DNAH17: variants seen among roughly 807,000 people sequenced by gnomAD.
DNAH17 encodes axonemal beta dynein heavy chain 17.
DNAH17 carries 376 observed loss-of-function variants against 485.6 expected under a neutral mutation model. That is an observed-to-expected ratio of 0.77 (90% CI 0.71 to 0.84). DNAH17 has a LOEUF of 0.84. Ranked by LOEUF, DNAH17 falls within the 40% of genes least tolerant of loss-of-function variation. The pLI is 0.00. For missense variants in DNAH17, 6,370 were observed against 5,839.3 expected (o/e 1.09, Z -2.96); for synonymous variants, 3,031 against 2,405.9 (o/e 1.26, Z -7.60).
chr17:78,557,416 G>A (rs138387832), intron 14 of DNAH17, among the ~76,000 whole-genome samples: 129 of 152,048 alleles, frequency 8.5e-4, no homozygotes, highest in African/African-American at 3.0e-3. Flanking sequence ...TCAAGAGTTC[G>A]AGACCAGCCT....
chr17:78,538,656 T>C (rs1474080732), intron 18 of DNAH17, among the ~76,000 whole-genome samples: 1 of 152,178 alleles, frequency 6.6e-6, no homozygotes, highest in East Asian at 1.9e-4. Flanking sequence ...CTGGAACTCT[T>C]TGAGGAGAAC....
At chr17:78,425,798 C>T (rs1222398997) in intron 79 of DNAH17, among the ~76,000 whole-genome samples, 2 of 137,210 alleles carry the variant, frequency 1.5e-5, no homozygotes, top group African/African-American at 6.2e-5. Context: ...TGAAGTATCG[C>T]TCTGTCACCC....
chr17:78,529,459 A>T lies in DNAH17; in HGVS notation c.3507+13T>A. 1.2e-6 allele frequency: 2 copies of T among 1,613,224 alleles called. No homozygotes were observed. The highest frequency in any genetic ancestry group is 1.7e-6 in the Non-Finnish European group (2 of 1,179,402). ...TGCTCACCTGGACGCAGCCACACCCACCCACCACGTACCTGCAGCTTCAAG... is the reference window on the plus strand; with the variant it reads ...TGCTCACCTGGACGCAGCCACACCCTCCCACCACGTACCTGCAGCTTCAAG... On this transcript the variant is annotated intron_variant, in intron 22 of 80. Transcript: ENST00000389840.
intron 14 of DNAH17, among the ~76,000 whole-genome samples, chr17:78,555,184 G>A (rs113154986): frequency 0.013 from 1,977 of 152,296 alleles, 40 homozygotes; most frequent in African/African-American, 0.043. Context: ...AGAAGTAAAG[G>A]ATGCATCTAC....
At chr17:78,485,449 G>T in intron 47 of DNAH17, 101 bp downstream of exon 47, 1 of 1,155,172 alleles carries the variant, frequency 8.7e-7, no homozygotes, top group Non-Finnish European at 1.2e-6. Flanking sequence ...GAGGTGCAAA[G>T]TGGCTAGTGA....
intron 64 of DNAH17, 105 bp from the exon 65 acceptor site, chr17:78,453,570 G>A: frequency 6.9e-7 from 1 of 1,457,252 alleles, no homozygotes; most frequent in Middle Eastern, 2.4e-4. Context: ...ACAGCGCCAA[G>A]CGAGGGGTGA....
Position 78,434,020 on chromosome 17 carries a change from G to A in DNAH17, c.12225+9C>T. 6.3e-7 allele frequency: 1 copy of A among 1,582,396 alleles called. No homozygotes were observed. The highest frequency in any genetic ancestry group is 8.6e-7 in the Non-Finnish European group (1 of 1,162,272). On this transcript the variant is annotated intron_variant, in intron 75 of 80. Transcript: ENST00000389840. The stretch of plus-strand genomic sequence containing the variant: ...TATGTCCAAGTACAGGGCACACACA[G>A]CCCCTCACCTTGGGGTTGGCCTCCA...
chr17:78,436,733 T>C (rs970813926), intron 74 of DNAH17, among the ~76,000 whole-genome samples: 21 of 152,040 alleles, frequency 1.4e-4, no homozygotes, highest in Admixed American at 1.1e-3. Flanking sequence ...TAATCCCAGC[T>C]ACTCGGGAGT....
chr17:78,452,838 A>C (rs1484199286), intron 65 of DNAH17, among the ~76,000 whole-genome samples: 1 of 152,246 alleles, frequency 6.6e-6, no homozygotes, highest in African/African-American at 2.4e-5. Flanking sequence ...GCAAATCCAC[A>C]GACACAGAGA....
intron 31 of DNAH17, 139 bp downstream of exon 31, chr17:78,505,154 G>A: frequency 9.0e-7 from 1 of 1,107,400 alleles, no homozygotes; most frequent in South Asian, 1.6e-5. Flanking sequence ...TTTCTAGAGA[G>A]GGAGAGGAGA....
chr17:78,496,460 T>A, intron 37 of DNAH17, among the ~76,000 whole-genome samples: 1 of 27,932 alleles, frequency 3.6e-5, no homozygotes, highest in Non-Finnish European at 6.6e-5. Context: ...ACAGCGGGGG[T>A]GGTGGGCGGG....
At chr17:78,445,988 A>G (rs2087274646) in intron 69 of DNAH17, among the ~76,000 whole-genome samples, 1 of 152,010 alleles carries the variant, frequency 6.6e-6, no homozygotes, top group Admixed American at 6.6e-5. Flanking sequence ...CCTGGCCAAC[A>G]TGGTGAAACC....
chr17:78,433,177 G>A lies in DNAH17; in HGVS notation c.12225+852C>T, dbSNP rs570277785. Among the ~76,000 whole-genome samples, 69 of 152,334 alleles carry A rather than the reference G, an allele frequency of 4.5e-4. No individual in the cohort carries two copies. In the South Asian group the frequency reaches 0.014, roughly 32 times the overall value. On this transcript the variant is annotated intron_variant, in intron 75 of 80. Coordinates refer to ENST00000389840, the MANE Select transcript of DNAH17 (RefSeq NM_173628.4). ...ACCGCCCTCTGCCTTCTGGGCGAGG[G>A]GCTCCTGGGCCTGTGCCAGGCTTAG...
rs117169488 is a variant in DNAH17, at chr17:78,467,579, G to C, written c.8779-763C>G. Among the ~76,000 whole-genome samples, 1,311 of 152,272 alleles carry C rather than the reference G, an allele frequency of 8.6e-3. 11 individuals are homozygous for C. Among genetic ancestry groups the C allele is most frequent in the Non-Finnish European group, 0.015 (1,024 of 68,020 alleles). On this transcript the variant is annotated intron_variant, in intron 55 of 80. Transcript: ENST00000389840. ...GGGGAGGGAGGACCCTGCTCTGTTT[G>C]AGTCAAGCAGGGGAAAACGATGGCC...
chr17:78,543,709 G>A (rs2091668551), intron 17 of DNAH17, 148 bp downstream of exon 17: 5 of 1,190,544 alleles, frequency 4.2e-6, no homozygotes, highest in African/African-American at 1.5e-5. Flanking sequence ...ACAGGTGAGA[G>A]CCACTGCATC....
intron 58 of DNAH17, 58 bp from the exon 59 acceptor site, chr17:78,460,315 C>T (rs533323589): frequency 5.0e-5 from 73 of 1,465,088 alleles, no homozygotes; most frequent in Non-Finnish European, 6.0e-5. Flanking sequence ...CCTGTGGGGG[C>T]GTGTACGTGC....
chr17:78,576,648 T>C (rs1396207087), intron 1 of DNAH17, among the ~76,000 whole-genome samples: 1 of 152,172 alleles, frequency 6.6e-6, no homozygotes, highest in African/African-American at 2.4e-5. Context: ...GCCCGAGTCC[T>C]GGAAGGTTCC....
chr17:78,555,800 G>A (rs1031581405), intron 14 of DNAH17, among the ~76,000 whole-genome samples: 3 of 152,282 alleles, frequency 2.0e-5, no homozygotes, highest in Admixed American at 1.3e-4. Flanking sequence ...GTGTGGGTGG[G>A]TCTCATCCAA....
chr17:78,516,547 G>A lies in DNAH17; in HGVS notation c.3865-1525C>T, dbSNP rs965576502. 3.3e-5 allele frequency among the ~76,000 whole-genome samples: 5 copies of A among 152,128 alleles called. No individual in the cohort carries two copies. In the East Asian group the frequency reaches 5.8e-4, roughly 18 times the overall value. On this transcript the variant is annotated intron_variant, in intron 25 of 80. Coordinates refer to ENST00000389840, the MANE Select transcript of DNAH17 (RefSeq NM_173628.4). The stretch of plus-strand genomic sequence containing the variant: ...ACTAAAAAAAATACAAAAATTAGCC[G>A]GGCGTGATGGCAGGTGCCTGTAATC...
Sources: gnomAD v4.1 joint callset for allele counts (sites outside exome capture counted in the v4.1 genomes callset) on GRCh38, gnomAD v4.1.1 for gene constraint, MANE v1.5 for transcripts, NCBI Gene and HGNC (gene_info 2026-07-23, HGNC 2026-07-21) for gene names.